Variants in SLC2A11 observed in about 807,000 individuals in gnomAD.
SLC2A11 encodes solute carrier family 2, facilitated glucose transporter member 11.
Under a neutral mutation model 52.1 loss-of-function variants are expected in SLC2A11, and 43 were observed. The observed-to-expected ratio is 0.82, with a 90% confidence interval of 0.65 to 1.06. The LOEUF (loss-of-function observed/expected upper bound fraction) is 1.06, where lower values mean the gene tolerates loss of function less well. Among genes scored for constraint, SLC2A11 ranks in the 50% least tolerant of loss-of-function variants. The probability of loss-of-function intolerance (pLI) is 0.00; values close to 1 mark genes in which losing one functional copy is unlikely to be tolerated. For synonymous variants in SLC2A11, 261 were observed against 277.6 expected (o/e 0.94, Z 0.59); for missense variants, 582 against 654.2 (o/e 0.89, Z 1.20).
chr22:23,857,237 G>A, upstream of SLC2A11: 1 of 728,992 alleles, frequency 1.4e-6, no homozygotes, highest in Non-Finnish European at 2.3e-6. Flanking sequence ...ACCAGCGAGA[G>A]ACAGAGACCC....
intron 2 of SLC2A11, among the ~76,000 whole-genome samples, chr22:23,862,962 T>C (rs191510130): frequency 6.6e-6 from 1 of 152,284 alleles, no homozygotes; most frequent in East Asian, 1.9e-4. Flanking sequence ...GGAGATTAAG[T>C]TTCCGTGTTC....
At chr22:23,868,439 C>A in intron 2 of SLC2A11, 42 bp from the exon 3 acceptor site, 1 of 1,608,488 alleles carries the variant, frequency 6.2e-7, no homozygotes, top group Non-Finnish European at 8.5e-7. Context: ...AGCACCCCCA[C>A]GCCACCATCC....
Position 23,857,988 on chromosome 22 carries a change from C to G in SLC2A11, c.-12C>G. On this transcript the variant is annotated 5_prime_UTR_variant, in exon 1 of 12. Coordinates refer to ENST00000316185, the MANE Select transcript of SLC2A11 (RefSeq NM_001024939.4). Reference sequence around the variant, plus strand: ...TGGGACAGCAAGACCTCCGCTCAGGCCCCTCTTTCGAATGCTCCACGCCCT... The same window carrying G: ...TGGGACAGCAAGACCTCCGCTCAGGGCCCTCTTTCGAATGCTCCACGCCCT... 6.3e-7 allele frequency: 1 copy of G among 1,591,348 alleles called. No individual in the cohort carries two copies. Among genetic ancestry groups the G allele is most frequent in the Non-Finnish European group, 8.5e-7 (1 of 1,169,974 alleles).
Position 23,882,560 on chromosome 22 carries a change from G to A in SLC2A11, c.796G>A (p.Glu266Lys). The change falls in exon 7 of 12, where the codon GAG (glutamate) becomes AAG (lysine). Residue 266 changes from glutamate (E) to lysine (K), a missense_variant. Transcript: ENST00000316185. ...GGGCTGCCGTGCCCGGCGCCCATGG[G>A]AGCTGTTCCAGCATCGGGCCCTGAG... Reference protein sequence around the residue: ...CQGCRARRPWELFQHRALRRQ... With the variant: ...CQGCRARRPWKLFQHRALRRQ... The A allele has an allele frequency of 6.2e-7, 1 of 1,612,222 alleles. No individual in the cohort carries two copies. Among genetic ancestry groups the A allele is most frequent in the Non-Finnish European group, 8.5e-7 (1 of 1,179,414 alleles).
intron 3 of SLC2A11, chr22:23,870,394 T>C (rs1438999523): frequency 1.1e-5 from 3 of 262,916 alleles, no homozygotes; most frequent in Non-Finnish European, 2.2e-5. Context: ...GTTGCCATTG[T>C]TGGGTGCTCA....
In SLC2A11 at chr22:23,882,441, C is replaced by A; in HGVS notation, c.695-18C>A. 2 of 1,515,938 alleles carry A rather than the reference C, an allele frequency of 1.3e-6. No individual in the cohort carries two copies. Among genetic ancestry groups the A allele is most frequent in the African/African-American group, 1.4e-5 (1 of 72,596 alleles). The allele number at this position is 1,515,938 out of a possible 1,614,324, so 93.9% of individuals were successfully genotyped here. A position where few individuals can be genotyped will look rare whatever the true frequency, so the allele number is the denominator to read the frequency against. ...GGGCTTGGGGACGGGGAGCTCAGTA[C>A]CCTCCTCCCTGGCTCAGCACTACGG... is the stretch of plus-strand genomic sequence containing the variant. On this transcript the variant is annotated intron_variant, in intron 6 of 11. Transcript: ENST00000316185.
At chr22:23,857,206 C>T, upstream of SLC2A11, 1 of 770,576 alleles carries the variant, frequency 1.3e-6, no homozygotes, top group Admixed American at 2.5e-5. Context: ...GGGAATCGCG[C>T]AGGGTTGCGG....
intron 2 of SLC2A11, among the ~76,000 whole-genome samples, chr22:23,864,384 T>C (rs12627775): frequency 0.35 from 53,942 of 151,994 alleles, 10,042 homozygotes; most frequent in Middle Eastern, 0.45. Flanking sequence ...TGCGATGGCG[T>C]GATCTTGGCT....
At position 23,864,977 on chromosome 22, in the gene SLC2A11, A is replaced by G. The variant is rs137937238; in HGVS notation, c.129+2775A>G. Among the ~76,000 whole-genome samples the G allele has an allele frequency of 4.5e-3, 677 of 152,064 alleles. 4 individuals are homozygous for G. Among genetic ancestry groups the G allele is most frequent in the African/African-American group, 0.015 (639 of 41,490 alleles). ...AGAAATATTAGCTGGGCATGGTGGC[A>G]TGTGCCGTGATCCCAGCTCCTCCAG... On this transcript the variant is annotated intron_variant, in intron 2 of 11. Coordinates refer to ENST00000316185, the MANE Select transcript of SLC2A11 (RefSeq NM_001024939.4).
intron 1 of SLC2A11, among the ~76,000 whole-genome samples, chr22:23,860,614 A>G (rs2032014456): frequency 6.6e-6 from 1 of 150,994 alleles, no homozygotes; most frequent in African/African-American, 2.4e-5. Flanking sequence ...CATGCCTGCA[A>G]TCCCAGCTAC....
intron 1 of SLC2A11, among the ~76,000 whole-genome samples, chr22:23,859,866 C>T (rs567203849): frequency 6.6e-6 from 1 of 152,342 alleles, no homozygotes; most frequent in East Asian, 1.9e-4. Flanking sequence ...GCCAAACATC[C>T]TTCTGTCATG....
In SLC2A11 at chr22:23,865,046, G is replaced by T. The variant is rs146127119; in HGVS notation, c.129+2844G>T. Among the ~76,000 whole-genome samples the T allele has an allele frequency of 1.7e-3, 248 of 147,134 alleles. 1 individual carries two copies. Among genetic ancestry groups the T allele is most frequent in the African/African-American group, 6.1e-3 (243 of 40,052 alleles). ...TGCTTGAACCCAGGAAGCGGAAGTT[G>T]CAGTGAGCTGAGATCTCGCCACTGT... On this transcript the variant is annotated intron_variant, in intron 2 of 11. Transcript: ENST00000316185.
In SLC2A11 at chr22:23,884,799, C is replaced by T. The variant is rs766396720; in HGVS notation, c.1450C>T (p.Gln484Ter). The part of the protein sequence containing the change: ...LHRLNFPRRA[Q>*]GPTWRSLEVI... ...CAGACTCAACTTCCCCAGGCGGGCC[C>T]AGGGCCCCACGTGGAGGAGCCTGGA... The change falls in exon 12 of 12, where the codon CAG becomes TAG. Residue 484 changes from glutamine to a stop codon, truncating the protein, a stop_gained. Coordinates refer to ENST00000316185, the MANE Select transcript of SLC2A11 (RefSeq NM_001024939.4). LOFTEE classifies it high-confidence loss of function. The surrounding 1 kb of genome is among the most constrained non-coding windows in gnomAD (Gnocchi z 4.3). The T allele has an allele frequency of 1.1e-5, 17 of 1,614,094 alleles. No individual in the cohort carries two copies. The East Asian group carries it at 3.8e-4, about 36-fold the overall frequency.
At chr22:23,863,981 C>A (rs2032171599) in intron 2 of SLC2A11, among the ~76,000 whole-genome samples, 1 of 152,022 alleles carries the variant, frequency 6.6e-6, no homozygotes. Context: ...AGATTCACTT[C>A]CTGCCAGCTG....
intron 3 of SLC2A11, chr22:23,869,080 T>C (rs1180957538): frequency 1.2e-5 from 2 of 170,844 alleles, no homozygotes; most frequent in African/African-American, 4.7e-5. Context: ...TGAGGCATGG[T>C]GGCTCACCCA....
Position 23,882,550 on chromosome 22 carries a change from G to T in SLC2A11, c.786G>T (p.Arg262=). 9 of 1,610,584 alleles carry T rather than the reference G, an allele frequency of 5.6e-6. No homozygotes were observed. The highest frequency in any genetic ancestry group is 7.6e-6 in the Non-Finnish European group (9 of 1,178,802). ...CTGCCTGCCAGGGCTGCCGTGCCCG[G>T]CGCCCATGGGAGCTGTTCCAGCATC... ...ERAACQGCRA[R]RPWELFQHRA... Residue 262 remains arginine, a synonymous_variant, in exon 7 of 12, where the codon CGG becomes CGT. Transcript: ENST00000316185.
intron 1 of SLC2A11, among the ~76,000 whole-genome samples, chr22:23,861,161 G>A (rs1416105500): frequency 6.7e-6 from 1 of 149,702 alleles, no homozygotes; most frequent in Non-Finnish European, 1.5e-5. Flanking sequence ...TGTGTTTTTA[G>A]TAGAGATGGG....
At chr22:23,880,278 A>G (rs1361226594) in intron 6 of SLC2A11, 1 of 147,490 alleles carries the variant, frequency 6.8e-6, no homozygotes, top group Non-Finnish European at 1.5e-5. Context: ...AAAAAAAAAA[A>G]GAAAAGAAAA....
At chr22:23,874,372 G>A (rs1380733448) in intron 3 of SLC2A11, among the ~76,000 whole-genome samples, 2 of 151,834 alleles carry the variant, frequency 1.3e-5, no homozygotes, top group East Asian at 1.9e-4. Flanking sequence ...CTGCAGCCTC[G>A]TACTCTTGGG....
Sources: gnomAD v4.1 joint callset for allele counts (sites outside exome capture counted in the v4.1 genomes callset) on GRCh38, gnomAD v4.1.1 for gene constraint, Gnocchi (gnomAD v3.1) non-coding constraint, MANE v1.5 for transcripts, NCBI Gene and HGNC (gene_info 2026-07-23, HGNC 2026-07-21) for gene names.